Variants in ASIC2 observed in about 807,000 individuals in gnomAD.
ASIC2 encodes acid-sensing ion channel 2.
ASIC2 carries 25 observed loss-of-function variants against 57.3 expected under a neutral mutation model. That is an observed-to-expected ratio of 0.44 (90% CI 0.32 to 0.61). The LOEUF is 0.61. ASIC2 is among the 20% of genes least tolerant of loss of function. The probability of loss-of-function intolerance (pLI) is 0.06; values close to 1 mark genes in which losing one functional copy is unlikely to be tolerated. For missense variants in ASIC2, 641 were observed against 738.1 expected (o/e 0.87, Z 1.52); for synonymous variants, 319 against 307.5 (o/e 1.04, Z -0.39).
At chr17:33,744,052 T>A (rs909789685) in intron 1 of ASIC2, among the ~76,000 whole-genome samples, 5 of 152,196 alleles carry the variant, frequency 3.3e-5, no homozygotes, top group African/African-American at 1.2e-4. Context: ...GGAGAGAGAC[T>A]GCCAAAGCTC....
At chr17:33,714,382 T>A (rs1228615886) in intron 1 of ASIC2, among the ~76,000 whole-genome samples, 1 of 152,216 alleles carries the variant, frequency 6.6e-6, no homozygotes, top group Admixed American at 6.5e-5. Context: ...AATGGCTAAC[T>A]AAATGGTGGT....
intron 1 of ASIC2, among the ~76,000 whole-genome samples, chr17:33,245,760 G>T (rs915245108): frequency 6.6e-6 from 1 of 152,180 alleles, no homozygotes; most frequent in Non-Finnish European, 1.5e-5. Flanking sequence ...CTGGGAGGAG[G>T]TCAAGTGCCA....
At chr17:33,515,708 G>A (rs915314589) in intron 1 of ASIC2, among the ~76,000 whole-genome samples, 8 of 152,190 alleles carry the variant, frequency 5.3e-5, no homozygotes, top group Non-Finnish European at 7.3e-5. Flanking sequence ...AGCCCTGCCC[G>A]TGGCTCCTAG....
At chr17:33,272,320 A>G (rs1355413475) in intron 1 of ASIC2, among the ~76,000 whole-genome samples, 2 of 152,236 alleles carry the variant, frequency 1.3e-5, no homozygotes, top group African/African-American at 4.8e-5. Context: ...TCTAAACTAT[A>G]AGCCTCATGA....
chr17:33,777,979 C>T (rs1170910085), intron 1 of ASIC2, among the ~76,000 whole-genome samples: 1 of 152,120 alleles, frequency 6.6e-6, no homozygotes, highest in Non-Finnish European at 1.5e-5. Flanking sequence ...GGCTGTGTGT[C>T]AATGTGGCCC....
chr17:33,822,237 G>A (rs1417601126), intron 1 of ASIC2, among the ~76,000 whole-genome samples: 3 of 152,190 alleles, frequency 2.0e-5, no homozygotes, highest in Non-Finnish European at 4.4e-5. Context: ...TATGGGCTAG[G>A]CTGCCTCTCA....
intron 1 of ASIC2, among the ~76,000 whole-genome samples, chr17:33,633,265 G>A (rs765950176): frequency 1.2e-4 from 19 of 152,204 alleles, no homozygotes; most frequent in Admixed American, 6.5e-5. Flanking sequence ...AAAGGCTCTT[G>A]TGTGAGCCAT....
intron 1 of ASIC2, among the ~76,000 whole-genome samples, chr17:33,476,984 T>C (rs1231357905): frequency 5.3e-5 from 8 of 152,140 alleles, no homozygotes; most frequent in Admixed American, 6.6e-5. Context: ...CCTATACTAC[T>C]ATATAATCTC....
At chr17:34,097,477 G>T in intron 1 of ASIC2, among the ~76,000 whole-genome samples, 1 of 152,136 alleles carries the variant, frequency 6.6e-6, no homozygotes, top group Non-Finnish European at 1.5e-5. Context: ...ATCCTATTTG[G>T]AAATAAGGTC....
chr17:33,897,023 C>T (rs1915115550), intron 1 of ASIC2, among the ~76,000 whole-genome samples: 1 of 152,060 alleles, frequency 6.6e-6, no homozygotes, highest in Non-Finnish European at 1.5e-5. Context: ...GTGGGGGCTT[C>T]AAGATTATAA....
intron 1 of ASIC2, among the ~76,000 whole-genome samples, chr17:34,023,398 C>CACAA (rs1907257950): frequency 6.6e-6 from 1 of 151,828 alleles, no homozygotes; most frequent in African/African-American, 2.4e-5. Context: ...CACACACACA[C>CACAA]ACACACACTT....
At chr17:33,875,217 T>G (rs1268686458) in intron 1 of ASIC2, among the ~76,000 whole-genome samples, 1 of 152,206 alleles carries the variant, frequency 6.6e-6, no homozygotes, top group African/African-American at 2.4e-5. Context: ...AGTTAATATT[T>G]GCTGAATAAA....
At position 33,833,117 on chromosome 17, in the gene ASIC2, G is replaced by A. The variant is rs554414803; in HGVS notation, c.555+322861C>T. On this transcript the variant is annotated intron_variant, in intron 1 of 9. Transcript: ENST00000359872. Reference sequence around the variant, plus strand: ...GCATAAAGATCAAATATGTTAAAACGGGAGGCTGCATTGGAAATACGAAAT... The same window carrying A: ...GCATAAAGATCAAATATGTTAAAACAGGAGGCTGCATTGGAAATACGAAAT... Among the ~76,000 whole-genome samples the A allele has an allele frequency of 3.3e-5, 5 of 152,162 alleles. No individual in the cohort carries two copies. The East Asian group carries it at 5.8e-4, about 18-fold the overall frequency.
At chr17:33,527,292 T>C (rs1019006060) in intron 1 of ASIC2, among the ~76,000 whole-genome samples, 3 of 152,142 alleles carry the variant, frequency 2.0e-5, no homozygotes, top group Non-Finnish European at 2.9e-5. Context: ...CCTAAACCCA[T>C]TCAAAGACCA....
chr17:33,438,587 A>C (rs1227968039), intron 1 of ASIC2, among the ~76,000 whole-genome samples: 1 of 152,112 alleles, frequency 6.6e-6, no homozygotes, highest in Non-Finnish European at 1.5e-5. Context: ...GATTATTTGA[A>C]TTAGTCATAA....
chr17:33,233,006 T>G (rs1024646822), intron 1 of ASIC2, among the ~76,000 whole-genome samples: 3 of 151,708 alleles, frequency 2.0e-5, no homozygotes, highest in Non-Finnish European at 4.4e-5. Context: ...ACTTGTGAAG[T>G]GGGGGAAGGG....
intron 1 of ASIC2, among the ~76,000 whole-genome samples, chr17:33,894,021 A>G (rs767067321): frequency 9.2e-5 from 14 of 152,168 alleles, no homozygotes; most frequent in Non-Finnish European, 1.8e-4. Flanking sequence ...AGATTCCAAA[A>G]GAAGAATTTT....
intron 1 of ASIC2, among the ~76,000 whole-genome samples, chr17:33,198,926 T>C (rs1331225015): frequency 6.6e-6 from 1 of 152,246 alleles, no homozygotes; most frequent in Non-Finnish European, 1.5e-5. Context: ...TGGCTCATGA[T>C]AACAAGCTGG....
chr17:33,910,627 C>T (rs1227136047), intron 1 of ASIC2, among the ~76,000 whole-genome samples: 2 of 152,146 alleles, frequency 1.3e-5, no homozygotes, highest in African/African-American at 4.8e-5. Context: ...TTCATGAGGG[C>T]AGGGGGCAGA....
Sources: allele counts gnomAD v4.1 joint callset (sites outside exome capture counted in the v4.1 genomes callset), GRCh38; gene constraint gnomAD v4.1.1; transcripts MANE v1.5; gene names NCBI Gene and HGNC (gene_info 2026-07-23, HGNC 2026-07-21).